Variants in GLI3 observed in about 807,000 individuals in gnomAD.
GLI3 encodes the protein GLI family zinc finger 3.
A neutral mutation model predicts 100.8 loss-of-function variants in GLI3; 20 were observed. The observed-to-expected ratio is 0.20, with a 90% confidence interval of 0.14 to 0.29. The LOEUF (loss-of-function observed/expected upper bound fraction) is 0.29, where lower values mean the gene tolerates loss of function less well. Ranked by LOEUF, GLI3 falls within the 10% of genes least tolerant of loss-of-function variation. The pLI, the probability that GLI3 is intolerant of heterozygous loss-of-function variation, is 1.00. For missense variants in GLI3, 2,040 were observed against 2,128.5 expected, an observed-to-expected ratio of 0.96 and a Z score of 0.82; for synonymous variants, 938 against 860.5, an observed-to-expected ratio of 1.09 and a Z score of -1.58.
At chr7:42,123,921 A>G (rs1786062710) in intron 3 of GLI3, among the ~76,000 whole-genome samples, 1 of 152,204 alleles carries the variant, frequency 6.6e-6, no homozygotes, top group African/African-American at 2.4e-5. Context: ...CACGAAGCCA[A>G]GATGCTACAT....
chr7:42,150,320 CT>C (rs1210098982), intron 2 of GLI3: 1 of 152,136 alleles, frequency 6.6e-6, no homozygotes, highest in East Asian at 1.9e-4. Context: ...TTATTTTCCC[CT>C]CTAACTAATA....
At position 41,965,705 on chromosome 7, in the gene GLI3, G is replaced by A. The variant is rs776349164; in HGVS notation, c.3368C>T (p.Pro1123Leu). ...CGCGTCAAAGTCACCGGGCCCGTGGGGCACTTTGCTGTCGTCCGGGAGGGC... is the reference window on the plus strand; with the variant it reads ...CGCGTCAAAGTCACCGGGCCCGTGGAGCACTTTGCTGTCGTCCGGGAGGGC... Reference protein sequence around the residue: ...PSALPDDSKVPHGPGDFDAPG... With the variant: ...PSALPDDSKVLHGPGDFDAPG... The change falls in exon 15 of 15, where the codon CCC becomes CTC. Residue 1123 changes from proline (P) to leucine (L), a missense_variant. Pro to Leu is a moderately conservative substitution (Grantham distance 98, BLOSUM62 -3). Coordinates refer to ENST00000395925, the MANE Select transcript of GLI3 (RefSeq NM_000168.6). The A allele has an allele frequency of 1.5e-5, 24 of 1,613,630 alleles. No homozygotes were observed. The highest frequency in any genetic ancestry group is 1.8e-5 in the Non-Finnish European group (21 of 1,179,916).
intron 12 of GLI3, 54 bp downstream of exon 12, chr7:41,977,504 C>G: frequency 6.3e-7 from 1 of 1,575,084 alleles, no homozygotes; most frequent in Non-Finnish European, 8.7e-7. Flanking sequence ...GTGCCTTCCC[C>G]GGGATAGTTC....
intron 3 of GLI3, among the ~76,000 whole-genome samples, chr7:42,144,012 C>T (rs1490245734): frequency 1.3e-5 from 2 of 152,148 alleles, no homozygotes; most frequent in African/African-American, 4.8e-5. Context: ...AGTTTAAAAA[C>T]TAGACTCTTG....
chr7:42,107,868 T>TA (rs1310571244), intron 3 of GLI3, among the ~76,000 whole-genome samples: 2 of 152,340 alleles, frequency 1.3e-5, no homozygotes, highest in East Asian at 3.9e-4. Context: ...GTTGTTGTTT[T>TA]AAAAAATAAC....
chr7:41,979,551 C>T (rs7787535), intron 10 of GLI3, among the ~76,000 whole-genome samples: 7,469 of 152,230 alleles, frequency 0.049, 272 homozygotes, highest in African/African-American at 0.095. Flanking sequence ...TGGATTAATA[C>T]AATTAGGAAT....
chr7:42,015,394 A>T (rs926558957), intron 10 of GLI3, among the ~76,000 whole-genome samples: 3 of 152,062 alleles, frequency 2.0e-5, no homozygotes, highest in African/African-American at 7.2e-5. Flanking sequence ...TGCAACATTA[A>T]TTGTTCTAGA....
At chr7:42,003,543 C>G (rs1429458021) in intron 10 of GLI3, among the ~76,000 whole-genome samples, 2 of 152,086 alleles carry the variant, frequency 1.3e-5, no homozygotes, top group Non-Finnish European at 2.9e-5. Flanking sequence ...ATAAAGTGTA[C>G]AGCAGGCATT....
chr7:41,961,981 A>AAG lies in GLI3; in HGVS notation c.*2347_*2348dup, dbSNP rs1787024540. 1 of 152,220 alleles carries AAG rather than the reference A, an allele frequency of 6.6e-6. No individual in the cohort carries two copies. 9.4% of individuals were successfully genotyped at this position (152,220 alleles called of 1,614,324 possible). ...AAAGGAAAGCAAATATAAAAAAAAAAAGAAATAAAAGAAGAATAGGGGAAA... is the reference window on the plus strand; with the variant it reads ...AAAGGAAAGCAAATATAAAAAAAAAAAGAGAAATAAAAGAAGAATAGGGGAAA... On this transcript the variant is annotated 3_prime_UTR_variant, in exon 15 of 15. Coordinates refer to ENST00000395925, the MANE Select transcript of GLI3 (RefSeq NM_000168.6).
At chr7:42,025,057 T>C (rs1789069845) in intron 9 of GLI3, among the ~76,000 whole-genome samples, 1 of 152,266 alleles carries the variant, frequency 6.6e-6, no homozygotes, top group South Asian at 2.1e-4. Context: ...CTGCACTGCC[T>C]GTGTTTGCTT....
At chr7:41,985,720 C>T (rs1241643309) in intron 10 of GLI3, among the ~76,000 whole-genome samples, 1 of 152,064 alleles carries the variant, frequency 6.6e-6, no homozygotes, top group Non-Finnish European at 1.5e-5. Context: ...ATAAATGCAA[C>T]ATTTTTGAAA....
chr7:42,191,907 A>G (rs1275791818), intron 2 of GLI3, among the ~76,000 whole-genome samples: 1 of 152,064 alleles, frequency 6.6e-6, no homozygotes, highest in Non-Finnish European at 1.5e-5. Context: ...ATGAGAATCC[A>G]TTTTACCATA....
chr7:42,030,034 A>C (rs1398747336), intron 7 of GLI3, among the ~76,000 whole-genome samples: 1 of 152,196 alleles, frequency 6.6e-6, no homozygotes, highest in Admixed American at 6.5e-5. Context: ...TGGCTTAAAA[A>C]AACAGACACT....
intron 3 of GLI3, among the ~76,000 whole-genome samples, chr7:42,102,802 G>GA: frequency 6.6e-6 from 1 of 152,204 alleles, no homozygotes; most frequent in Admixed American, 6.5e-5. Flanking sequence ...AGGGTCATTT[G>GA]AAACTTTTGT....
chr7:42,182,667 TATATATATATATATAC>T (rs774033545), intron 2 of GLI3, among the ~76,000 whole-genome samples: 1,526 of 71,950 alleles, frequency 0.021, 57 homozygotes, highest in Middle Eastern at 0.06. Flanking sequence ...TATATATATA[TATATATATATATATAC>T]ACATGTGTGT....
At position 42,040,177 on chromosome 7, in the gene GLI3, A is replaced by T. The variant is rs1562698586; in HGVS notation, c.889T>A (p.Ser297Thr). 2 of 1,613,914 alleles carry T rather than the reference A, an allele frequency of 1.2e-6. No individual in the cohort carries two copies. The highest frequency in any genetic ancestry group is 1.7e-6 in the Non-Finnish European group (2 of 1,179,844). ...TCAAAGCTATGATCGGAGAGTGGTG[A>T]TATGGACAGTGTACGTTTTCGGCTC... ...RPSRKRTLSI[S>T]PLSDHSFDLQ... Residue 297 changes from serine (S) to threonine (T), a missense_variant, in exon 7 of 15, where the codon TCA (serine) becomes ACA (threonine). Physicochemically the swap from Ser to Thr is moderately conservative, Grantham distance 58. Around this residue, in one of 5 missense-constraint regions of GLI3, gnomAD observed 603 missense variants for 690.9 expected, o/e 0.87. Coordinates refer to ENST00000395925, the MANE Select transcript of GLI3 (RefSeq NM_000168.6).
intron 7 of GLI3, among the ~76,000 whole-genome samples, chr7:42,038,809 C>T (rs966844388): frequency 1.3e-5 from 2 of 152,184 alleles, no homozygotes; most frequent in African/African-American, 2.4e-5. Context: ...GGAAAGACAA[C>T]AGTATTCATT....
At chr7:42,107,771 T>A in intron 3 of GLI3, among the ~76,000 whole-genome samples, 1 of 152,314 alleles carries the variant, frequency 6.6e-6, no homozygotes, top group Middle Eastern at 3.4e-3. Context: ...TGCACAGCAA[T>A]CTCTGCATCT....
chr7:41,992,649 G>C (rs1018119868), intron 10 of GLI3, among the ~76,000 whole-genome samples: 4 of 152,072 alleles, frequency 2.6e-5, no homozygotes, highest in African/African-American at 9.7e-5. Context: ...TGACGAGACC[G>C]GTATTTTAAG....
Sources: allele counts gnomAD v4.1 joint callset (sites outside exome capture counted in the v4.1 genomes callset), GRCh38; gene constraint gnomAD v4.1.1; regional missense constraint gnomAD v4.1.1; transcripts MANE v1.5; gene names NCBI Gene and HGNC (gene_info 2026-07-23, HGNC 2026-07-21).